Variants in DAB1 observed in about 807,000 individuals in gnomAD.
DAB1 encodes disabled homolog 1.
DAB1 carries 15 observed loss-of-function variants against 64.6 expected under a neutral mutation model. The observed-to-expected ratio is 0.23, with a 90% CI of 0.16 to 0.36. The LOEUF (loss-of-function observed/expected upper bound fraction) is 0.36, where lower values mean the gene tolerates loss of function less well. Ranked by LOEUF, DAB1 falls within the 10% of genes least tolerant of loss-of-function variation. The pLI is 1.00. For missense variants in DAB1, 596 were observed against 706.7 expected (o/e 0.84, Z 1.78); for synonymous variants, 235 against 251.9 (o/e 0.93, Z 0.64).
chr1:57,250,809 G>A (rs1212129336), intron 2 of DAB1, among the ~76,000 whole-genome samples: 1 of 152,068 alleles, frequency 6.6e-6, no homozygotes, highest in African/African-American at 2.4e-5. Flanking sequence ...ATATTATCAT[G>A]TCATCTTTTC....
intron 1 of DAB1, among the ~76,000 whole-genome samples, chr1:57,355,757 A>G (rs1679041198): frequency 6.6e-6 from 1 of 152,090 alleles, no homozygotes; most frequent in Admixed American, 6.6e-5. Context: ...GGGTCTGAAG[A>G]GGTAAACTGT....
chr1:58,325,676 A>G (rs910606185), intron 4 of DAB1, among the ~76,000 whole-genome samples: 5 of 152,216 alleles, frequency 3.3e-5, no homozygotes, highest in Admixed American at 6.5e-5. Flanking sequence ...GGACCATTCT[A>G]AAGATTAAAT....
chr1:57,818,744 C>T (rs1390679323), intron 6 of DAB1, among the ~76,000 whole-genome samples: 1 of 149,550 alleles, frequency 6.7e-6, no homozygotes, highest in Non-Finnish European at 1.5e-5. Context: ...ATCAAGTCTG[C>T]TAATAACTAC....
chr1:57,061,233 G>GA (rs997001859), intron 9 of DAB1, among the ~76,000 whole-genome samples: 7 of 150,948 alleles, frequency 4.6e-5, no homozygotes, highest in African/African-American at 1.7e-4. Flanking sequence ...TTAGATGGGG[G>GA]GGGGGGGTGG....
intron 1 of DAB1, among the ~76,000 whole-genome samples, chr1:57,870,799 C>T (rs1643933680): frequency 6.6e-6 from 1 of 152,024 alleles, no homozygotes; most frequent in Non-Finnish European, 1.5e-5. Flanking sequence ...GAGACAGAAC[C>T]ATATCGGTTT....
At chr1:57,475,150 A>G (rs1643918693) in intron 7 of DAB1, among the ~76,000 whole-genome samples, 1 of 152,134 alleles carries the variant, frequency 6.6e-6, no homozygotes, top group African/African-American at 2.4e-5. Flanking sequence ...AGTGGTGCCC[A>G]CCTGTAATCC....
At chr1:58,535,891 G>C (rs2100486530) in intron 1 of DAB1, among the ~76,000 whole-genome samples, 1 of 152,082 alleles carries the variant, frequency 6.6e-6, no homozygotes, top group East Asian at 1.9e-4. Flanking sequence ...TATATTACTT[G>C]ATTTTCAAGG....
rs187436612 is a variant in DAB1, at chr1:57,274,773, G to T, written c.67+16191C>A. ...TTTTTTGTATTTTTAGTAGAGATGG[G>T]GTCTCACCATGTTGGCCAGGCTGGT... is the stretch of plus-strand genomic sequence containing the variant. On this transcript the variant is annotated intron_variant, in intron 2 of 14. Coordinates refer to ENST00000371236, the MANE Select transcript of DAB1 (RefSeq NM_001365792.1). Among the ~76,000 whole-genome samples the T allele has an allele frequency of 1.4e-3, 220 of 152,074 alleles. 1 individual carries two copies. Among genetic ancestry groups the T allele is most frequent in the Admixed American group, 3.7e-3 (57 of 15,272 alleles).
At chr1:58,327,501 G>T (rs968054080) in intron 4 of DAB1, among the ~76,000 whole-genome samples, 1 of 152,176 alleles carries the variant, frequency 6.6e-6, no homozygotes, top group Admixed American at 6.5e-5. Context: ...AATTCTGGAG[G>T]TTTAAACCCT....
intron 4 of DAB1, among the ~76,000 whole-genome samples, chr1:58,308,435 A>G (rs1489309551): frequency 6.6e-6 from 1 of 151,902 alleles, no homozygotes; most frequent in African/African-American, 2.4e-5. Flanking sequence ...GCCTCAATGG[A>G]TCAGAGGCCT....
chr1:57,912,694 C>A (rs1644664489), intron 5 of DAB1, among the ~76,000 whole-genome samples: 1 of 152,060 alleles, frequency 6.6e-6, no homozygotes, highest in African/African-American at 2.4e-5. Flanking sequence ...CTAGAAAGCC[C>A]CATCGTCTCG....
intron 5 of DAB1, among the ~76,000 whole-genome samples, chr1:57,953,151 G>A (rs1343765113): frequency 1.3e-5 from 2 of 152,146 alleles, no homozygotes; most frequent in Non-Finnish European, 2.9e-5. Context: ...CCAAGGCTGT[G>A]CAGCCATGGG....
At chr1:57,971,715 C>A (rs1249777659) in intron 5 of DAB1, among the ~76,000 whole-genome samples, 1 of 152,138 alleles carries the variant, frequency 6.6e-6, no homozygotes, top group Non-Finnish European at 1.5e-5. Flanking sequence ...GATCACAAAT[C>A]AAATGTCTTC....
intron 4 of DAB1, among the ~76,000 whole-genome samples, chr1:57,096,426 A>G (rs991143057): frequency 6.6e-6 from 1 of 152,230 alleles, no homozygotes; most frequent in Non-Finnish European, 1.5e-5. Context: ...CAAGCAAAGG[A>G]ACTTGAAGAA....
At chr1:57,162,206 A>C (rs1302750670) in intron 2 of DAB1, among the ~76,000 whole-genome samples, 2 of 152,194 alleles carry the variant, frequency 1.3e-5, no homozygotes. Flanking sequence ...GTGGGCTCAA[A>C]ATAGACAAAT....
chr1:57,297,100 C>T (rs1372602705), intron 1 of DAB1, among the ~76,000 whole-genome samples: 1 of 151,978 alleles, frequency 6.6e-6, no homozygotes, highest in Admixed American at 6.6e-5. Flanking sequence ...GGCCAGGAAT[C>T]TAATCAGATT....
intron 4 of DAB1, among the ~76,000 whole-genome samples, chr1:58,314,136 G>A (rs1662496643): frequency 6.6e-6 from 1 of 152,064 alleles, no homozygotes; most frequent in Non-Finnish European, 1.5e-5. Flanking sequence ...ACTGAAGATT[G>A]GACCCTCTGG....
rs1003406878 is a variant in DAB1, at chr1:58,188,352, T to A, written n.310-37764A>T. 2.0e-5 allele frequency among the ~76,000 whole-genome samples: 3 copies of A among 152,256 alleles called. No individual in the cohort carries two copies. The East Asian group carries it at 5.8e-4, about 29-fold the overall frequency. ...TGTTTGATAGAGAATCGATTTAATA[T>A]ATGACTTGGTCTACAATCTCCACTT... On this transcript the variant is annotated intron_variant and non_coding_transcript_variant, in intron 4 of 20. Transcript: ENST00000485760.
Position 57,023,584 on chromosome 1 carries a change from G to T in DAB1, c.842C>A (p.Ala281Glu). 1 of 1,612,346 alleles carries T rather than the reference G, an allele frequency of 6.2e-7. No homozygotes were observed. Among genetic ancestry groups the T allele is most frequent in the Non-Finnish European group, 8.5e-7 (1 of 1,179,368 alleles). The change falls in exon 11 of 15, where the codon GCG becomes GAG. Residue 281 changes from alanine to glutamate, a missense_variant. By Grantham distance (107) the Ala-to-Glu change is moderately radical (BLOSUM62 -1). Around this residue, in one of 3 missense-constraint regions of DAB1, gnomAD observed 377 missense variants for 400.4 expected, o/e 0.94. Transcript: ENST00000371236. ...FIPSSSQTLPASADVFSSVPF... is the reference protein window; with the variant it reads ...FIPSSSQTLPESADVFSSVPF... The stretch of plus-strand genomic sequence containing the variant: ...TACAGAACTAAACACATCTGCACTC[G>T]CTGGAAGGGTCTGAGATGAAGATGG...
Sources: allele counts gnomAD v4.1 joint callset (sites outside exome capture counted in the v4.1 genomes callset), GRCh38; gene constraint gnomAD v4.1.1; regional missense constraint gnomAD v4.1.1; transcripts MANE v1.5; gene names NCBI Gene and HGNC (gene_info 2026-07-23, HGNC 2026-07-21).